The following NLGN4X variants were observed in gnomAD, a reference collection of about 807,000 sequenced individuals.
NLGN4X encodes neuroligin-4, X-linked.
A neutral mutation model predicts 40.3 loss-of-function variants in NLGN4X; 3 were observed. That is an observed-to-expected ratio of 0.07 (90% CI 0.03 to 0.19). The LOEUF (loss-of-function observed/expected upper bound fraction) is 0.19, where lower values mean the gene tolerates loss of function less well. NLGN4X is among the 10% of genes least tolerant of loss of function. NLGN4X has a pLI of 1.00. For missense variants in NLGN4X, 382 were observed against 708.3 expected (o/e 0.54, Z 5.23); for synonymous variants, 270 against 306.8 (o/e 0.88, Z 1.25).
chrX:5,890,912 GT>G lies in NLGN4X; in HGVS notation c.*1904del, dbSNP rs2031127658. On this transcript the variant is annotated 3_prime_UTR_variant, in exon 6 of 6. Coordinates refer to ENST00000381095, the MANE Select transcript of NLGN4X (RefSeq NM_181332.3). The stretch of plus-strand genomic sequence containing the variant: ...GAGTGTAGGGATTCAGTAATCAAAG[GT>G]TGTTATTGCAAAAGAGCCAGGCAGC... The G allele has an allele frequency of 3.1e-6, 1 of 323,170 alleles. No homozygotes were observed. Among genetic ancestry groups the G allele is most frequent in the Admixed American group, 3.2e-5 (1 of 31,262 alleles). 26.6% of individuals were successfully genotyped at this position (323,170 alleles called of 1,213,427 possible). A position where few individuals can be genotyped will look rare whatever the true frequency, so the allele number is the denominator to read the frequency against.
At chrX:5,935,810 T>C (rs765811405) in intron 3 of NLGN4X, among the ~76,000 whole-genome samples, 1 of 111,811 alleles carries the variant, frequency 8.9e-6, no homozygotes, top group East Asian at 2.8e-4. Flanking sequence ...TACTATTCAA[T>C]GAAAAGGGAA....
chrX:6,078,524 G>A (rs1352695246), intron 2 of NLGN4X, among the ~76,000 whole-genome samples: 2 of 111,287 alleles, frequency 1.8e-5, no homozygotes, highest in Non-Finnish European at 3.8e-5. Flanking sequence ...TGGTTGCACT[G>A]GGGGAAGAAG....
chrX:6,095,759 C>T (rs1013107290), intron 2 of NLGN4X, among the ~76,000 whole-genome samples: 2 of 111,852 alleles, frequency 1.8e-5, no homozygotes, highest in Non-Finnish European at 3.8e-5. Context: ...GTGTTAAAGA[C>T]TTGGAGTGGG....
At chrX:6,098,586 G>T (rs1352012011) in intron 2 of NLGN4X, among the ~76,000 whole-genome samples, 1 of 111,460 alleles carries the variant, frequency 9.0e-6, no homozygotes, top group Non-Finnish European at 1.9e-5. Context: ...CTACAGGATT[G>T]TATAATATAA....
chrX:5,962,051 A>C (rs2034679173), intron 3 of NLGN4X, among the ~76,000 whole-genome samples: 1 of 112,025 alleles, frequency 8.9e-6, no homozygotes, highest in South Asian at 3.7e-4. Flanking sequence ...TCTCCATGTT[A>C]CTGTAAATGT....
intron 3 of NLGN4X, among the ~76,000 whole-genome samples, chrX:5,969,551 T>C (rs1441550623): frequency 4.5e-5 from 5 of 110,903 alleles, no homozygotes. Flanking sequence ...TGTGGAGAAA[T>C]AGGAATGCTT....
At chrX:6,080,674 C>T (rs997666005) in intron 2 of NLGN4X, among the ~76,000 whole-genome samples, 2 of 111,580 alleles carry the variant, frequency 1.8e-5, no homozygotes, top group Non-Finnish European at 3.8e-5. Context: ...ACTGTTTCCC[C>T]ATAACCCACA....
At chrX:6,103,559 G>A (rs984199920) in intron 2 of NLGN4X, among the ~76,000 whole-genome samples, 2 of 111,774 alleles carry the variant, frequency 1.8e-5, no homozygotes, top group African/African-American at 6.5e-5. Flanking sequence ...CAACATCTGC[G>A]AAATTTTACT....
chrX:6,156,323 C>A (rs984584181), intron 1 of NLGN4X, among the ~76,000 whole-genome samples: 2 of 111,642 alleles, frequency 1.8e-5, no homozygotes, highest in Admixed American at 1.9e-4. Context: ...TCCTGGCTAA[C>A]ACAGTGAAAC....
chrX:6,195,026 G>A (rs1486790262), intron 1 of NLGN4X, among the ~76,000 whole-genome samples: 4 of 111,004 alleles, frequency 3.6e-5, no homozygotes, highest in East Asian at 2.8e-4. Flanking sequence ...CGGGATACAT[G>A]TTCAGAATGT....
chrX:6,176,100 C>T (rs923567835), intron 1 of NLGN4X, among the ~76,000 whole-genome samples: 11 of 111,245 alleles, frequency 9.9e-5, no homozygotes, highest in African/African-American at 3.3e-4. Context: ...ACCCAGGAAC[C>T]CACACTGCTG....
chrX:5,934,213 C>A (rs1042589134), intron 3 of NLGN4X, among the ~76,000 whole-genome samples: 5 of 111,740 alleles, frequency 4.5e-5, no homozygotes, highest in African/African-American at 1.6e-4. Flanking sequence ...CATCTTGTCA[C>A]AAATTACATG....
intron 2 of NLGN4X, among the ~76,000 whole-genome samples, chrX:6,129,143 G>A (rs2039625055): frequency 8.9e-6 from 1 of 112,112 alleles, no homozygotes; most frequent in African/African-American, 3.2e-5. Flanking sequence ...CATGGCTGCA[G>A]AGAAAACTGA....
chrX:6,190,043 A>G (rs773305036), intron 1 of NLGN4X, among the ~76,000 whole-genome samples: 14 of 108,950 alleles, frequency 1.3e-4, no homozygotes, highest in African/African-American at 4.7e-4. Context: ...AATAGCAAAC[A>G]GCTGATCAAT....
At chrX:6,047,104 G>C (rs913261648) in intron 2 of NLGN4X, among the ~76,000 whole-genome samples, 2 of 109,886 alleles carry the variant, frequency 1.8e-5, no homozygotes, top group Non-Finnish European at 3.8e-5. Context: ...ACATTACTCA[G>C]GAAATATATA....
intron 3 of NLGN4X, among the ~76,000 whole-genome samples, chrX:5,966,251 T>C (rs1309673211): frequency 8.9e-6 from 1 of 112,642 alleles, no homozygotes; most frequent in Non-Finnish European, 1.9e-5. Flanking sequence ...TCTCACAAAA[T>C]AGTACAGACA....
intron 3 of NLGN4X, among the ~76,000 whole-genome samples, chrX:6,021,658 T>G (rs1357414533): frequency 9.0e-6 from 1 of 111,176 alleles, no homozygotes; most frequent in Non-Finnish European, 1.9e-5. Flanking sequence ...TTACAGTGTT[T>G]CCAAGTGTGT....
intron 3 of NLGN4X, among the ~76,000 whole-genome samples, chrX:5,969,563 T>C (rs981885758): frequency 9.0e-6 from 1 of 111,422 alleles, no homozygotes; most frequent in African/African-American, 3.3e-5. Flanking sequence ...GGAATGCTTT[T>C]ACACTGTTGG....
intron 3 of NLGN4X, among the ~76,000 whole-genome samples, chrX:5,960,691 G>A (rs943844647): frequency 1.8e-5 from 2 of 111,391 alleles, no homozygotes; most frequent in Non-Finnish European, 3.8e-5. Flanking sequence ...TCCTTAACCC[G>A]AAAGAAAACT....
Sources: allele counts gnomAD v4.1 joint callset (sites outside exome capture counted in the v4.1 genomes callset), GRCh38; gene constraint gnomAD v4.1.1; transcripts MANE v1.5; gene names NCBI Gene and HGNC (gene_info 2026-07-23, HGNC 2026-07-21).